CCDC172: variants seen among roughly 807,000 people sequenced by gnomAD.
The protein encoded by CCDC172 is coiled-coil domain containing 172, also known as coiled-coil domain-containing protein 172.
A neutral mutation model predicts 38.0 loss-of-function variants in CCDC172; 30 were observed. That is an observed-to-expected ratio of 0.79 (90% CI 0.59 to 1.07). The LOEUF (loss-of-function observed/expected upper bound fraction) is 1.07. Ranked by LOEUF, CCDC172 falls within the 50% of genes least tolerant of loss-of-function variation. CCDC172 has a pLI of 0.00. For synonymous variants in CCDC172, 78 were observed against 88.3 expected (o/e 0.88, Z 0.66); for missense variants, 297 against 290.1 (o/e 1.02, Z -0.17).
intron 5 of CCDC172, among the ~76,000 whole-genome samples, chr10:116,349,386 T>A (rs1480320978): frequency 6.6e-6 from 1 of 152,106 alleles, no homozygotes; most frequent in Admixed American, 6.5e-5. Flanking sequence ...CCAAAAAAGG[T>A]TGGGGACTGG....
intron 7 of CCDC172, among the ~76,000 whole-genome samples, chr10:116,371,609 T>G (rs1845186834): frequency 6.6e-6 from 1 of 152,058 alleles, no homozygotes; most frequent in Non-Finnish European, 1.5e-5. Context: ...TTTATATAGT[T>G]TTTGGATTAT....
intron 7 of CCDC172, among the ~76,000 whole-genome samples, chr10:116,371,955 A>C (rs1051967280): frequency 3.3e-5 from 5 of 152,082 alleles, no homozygotes; most frequent in African/African-American, 4.8e-5. Context: ...GTTTCCCTAC[A>C]CGGGGAAAGA....
At chr10:116,327,294 T>C (rs1844604316) in intron 3 of CCDC172, among the ~76,000 whole-genome samples, 1 of 152,148 alleles carries the variant, frequency 6.6e-6, no homozygotes, top group South Asian at 2.1e-4. Flanking sequence ...ACTTTAAACA[T>C]TTTTCGTCAT....
At chr10:116,354,297 CT>C (rs1844967405) in intron 5 of CCDC172, among the ~76,000 whole-genome samples, 2 of 152,094 alleles carry the variant, frequency 1.3e-5, no homozygotes, top group Non-Finnish European at 2.9e-5. Context: ...TATTATTATA[CT>C]TTTTATAATT....
chr10:116,333,684 G>A (rs376026925), intron 3 of CCDC172, among the ~76,000 whole-genome samples: 3 of 152,140 alleles, frequency 2.0e-5, no homozygotes, highest in East Asian at 1.9e-4. Flanking sequence ...GTTCTTGACC[G>A]GTCAGTATTT....
chr10:116,325,145 T>C (rs2286630), intron 2 of CCDC172, 55 bp downstream of exon 2: 127,736 of 1,575,042 alleles, frequency 0.081, 6,923 homozygotes, highest in East Asian at 0.23. Context: ...TGCTGGGTGC[T>C]TGGAGCAGAA....
intron 5 of CCDC172, among the ~76,000 whole-genome samples, chr10:116,354,973 T>C (rs1844977564): frequency 6.6e-6 from 1 of 152,238 alleles, no homozygotes; most frequent in African/African-American, 2.4e-5. Flanking sequence ...GTATATTTGT[T>C]TTAAGCTAAG....
intron 2 of CCDC172, 57 bp downstream of exon 2, chr10:116,325,147 G>A: frequency 1.3e-6 from 2 of 1,570,520 alleles, no homozygotes. Flanking sequence ...CTGGGTGCTT[G>A]GAGCAGAAGG....
At chr10:116,360,661 A>C (rs1229802434) in intron 7 of CCDC172, among the ~76,000 whole-genome samples, 1 of 152,068 alleles carries the variant, frequency 6.6e-6, no homozygotes, top group Non-Finnish European at 1.5e-5. Context: ...GTGAATCTGG[A>C]AAGGCAAACT....
Position 116,325,404 on chromosome 10 carries a change from G to A in CCDC172, c.165+16G>A. On this transcript the variant is annotated intron_variant, in intron 3 of 8. Transcript: ENST00000333254. ...GGAATCTAAGGTATTGAAATGTAAA[G>A]CATACTAATTATCACTTGAAAAAGC... 1.3e-6 allele frequency: 2 copies of A among 1,595,836 alleles called. No homozygotes were observed. The highest frequency in any genetic ancestry group is 1.7e-4 in the Middle Eastern group (1 of 5,894).
intron 5 of CCDC172, 43 bp downstream of exon 5, chr10:116,342,244 T>C: frequency 6.7e-7 from 1 of 1,482,634 alleles, no homozygotes; most frequent in South Asian, 1.4e-5. Context: ...TTAATGAAAA[T>C]AACTTATTTT....
At chr10:116,341,199 G>T (rs1443207064) in intron 4 of CCDC172, among the ~76,000 whole-genome samples, 4 of 152,020 alleles carry the variant, frequency 2.6e-5, no homozygotes, top group Non-Finnish European at 5.9e-5. Flanking sequence ...TAAAAGGATG[G>T]ATATTGTTAA....
chr10:116,325,449 G>C (rs1008572278), intron 3 of CCDC172, 61 bp downstream of exon 3: 1 of 1,326,738 alleles, frequency 7.5e-7, no homozygotes, highest in African/African-American at 1.5e-5. Flanking sequence ...CTTGACTTTT[G>C]GGGGATATTT....
At chr10:116,329,517 G>GCAA (rs1389834772) in intron 3 of CCDC172, among the ~76,000 whole-genome samples, 1 of 152,110 alleles carries the variant, frequency 6.6e-6, no homozygotes, top group Non-Finnish European at 1.5e-5. Context: ...ACAGCCCCAT[G>GCAA]CAAATCTTGA....
At chr10:116,372,327 AACTT>A (rs1235229645) in intron 7 of CCDC172, among the ~76,000 whole-genome samples, 2 of 152,016 alleles carry the variant, frequency 1.3e-5, no homozygotes, top group African/African-American at 4.8e-5. Flanking sequence ...CCTTTTTTAA[AACTT>A]ACATAGAGAA....
chr10:116,342,016 CTTTTA>C lies in CCDC172; in HGVS notation c.283-16_283-12del. 4 of 1,435,096 alleles carry C rather than the reference CTTTTA, an allele frequency of 2.8e-6. No individual in the cohort carries two copies. Among genetic ancestry groups the C allele is most frequent in the Non-Finnish European group, 3.7e-6 (4 of 1,077,196 alleles). 88.9% of individuals were successfully genotyped at this position (1,435,096 alleles called of 1,614,324 possible). A position where few individuals can be genotyped will look rare whatever the true frequency, so the allele number is the denominator to read the frequency against. Reference sequence around the variant, plus strand: ...ATTGCAACTAACACCTATATTTGATCTTTTATTTATGTTTTTCAGGAGGCTATAAA... The same window carrying C: ...ATTGCAACTAACACCTATATTTGATCTTTATGTTTTTCAGGAGGCTATAAA... On this transcript the variant is annotated splice_polypyrimidine_tract_variant and intron_variant, in intron 4 of 8. Coordinates refer to ENST00000333254, the MANE Select transcript of CCDC172 (RefSeq NM_198515.3).
Position 116,340,633 on chromosome 10 carries a change from C to T in CCDC172, c.166-101C>T, listed in dbSNP as rs1844780393. Reference sequence around the variant, plus strand: ...TTATTTTGCATTTTAAAGATTAATACAGAATATATTTTATACTAGACAAAT... The same window carrying T: ...TTATTTTGCATTTTAAAGATTAATATAGAATATATTTTATACTAGACAAAT... On this transcript the variant is annotated intron_variant, in intron 3 of 8. Coordinates refer to ENST00000333254, the MANE Select transcript of CCDC172 (RefSeq NM_198515.3). 5 of 604,158 alleles carry T rather than the reference C, an allele frequency of 8.3e-6. No homozygotes were observed. The South Asian group carries it at 8.8e-5, about 11-fold the overall frequency. 37.4% of individuals were successfully genotyped at this position (604,158 alleles called of 1,614,324 possible).
chr10:116,335,528 A>G (rs1452840483), intron 3 of CCDC172, among the ~76,000 whole-genome samples: 1 of 151,616 alleles, frequency 6.6e-6, no homozygotes, highest in East Asian at 1.9e-4. Context: ...AAAAGAACCA[A>G]AATCATTGGG....
At chr10:116,378,579 T>C in intron 8 of CCDC172, 69 bp downstream of exon 8, 2 of 1,233,594 alleles carry the variant, frequency 1.6e-6, no homozygotes, top group South Asian at 1.3e-5. Context: ...ACGGTTTTAC[T>C]GGTGTACAAA....
Sources: allele counts gnomAD v4.1 joint callset (sites outside exome capture counted in the v4.1 genomes callset), GRCh38; gene constraint gnomAD v4.1.1; transcripts MANE v1.5; gene names NCBI Gene and HGNC (gene_info 2026-07-23, HGNC 2026-07-21).